Variants in ZNF99 observed in about 807,000 individuals in gnomAD.
The protein encoded by ZNF99 is zinc finger protein ENSP00000375192.
ZNF99 carries 8 observed loss-of-function variants against 12.8 expected under a neutral mutation model. That is an observed-to-expected ratio of 0.62 (90% CI 0.37 to 1.13). The LOEUF (loss-of-function observed/expected upper bound fraction) is 1.13. Among genes scored for constraint, ZNF99 ranks in the 50% most tolerant of loss-of-function variants. The pLI, the probability that ZNF99 is intolerant of heterozygous loss-of-function variation, is 0.02. For missense variants in ZNF99, 1,007 were observed against 1,006.2 expected (o/e 1.00, Z -0.01); for synonymous variants, 318 against 319.0 (o/e 1.00, Z 0.03).
At chr19:22,781,652 T>C (rs1973389362) in intron 1 of ZNF99, among the ~76,000 whole-genome samples, 2 of 152,032 alleles carry the variant, frequency 1.3e-5, no homozygotes, top group African/African-American at 4.8e-5. Flanking sequence ...AAGGGTTAGC[T>C]TTTCAAAGGA....
rs377234800 is a variant in ZNF99, at chr19:22,757,836, G to C, written c.2073C>G (p.Ala691=). The change falls in exon 4 of 4, where the codon GCC becomes GCG. Residue 691 remains alanine, a synonymous_variant. Coordinates refer to ENST00000596209, the MANE Select transcript of ZNF99 (RefSeq NM_001080409.3). ...TATGAATTATCTTATGTTTCCTAAGGGCTGAGAAATGGTTAAAAGCCTTGC... is the reference window on the plus strand; with the variant it reads ...TATGAATTATCTTATGTTTCCTAAGCGCTGAGAAATGGTTAAAAGCCTTGC... ...ECGKAFNHFS[A]LRKHKIIHTG... The C allele has an allele frequency of 6.9e-4, 1,119 of 1,610,942 alleles. 2 individuals carry two copies. The highest frequency in any genetic ancestry group is 9.1e-4 in the Non-Finnish European group (1,074 of 1,178,560).
intron 1 of ZNF99, among the ~76,000 whole-genome samples, chr19:22,780,791 G>C (rs1487649385): frequency 1.3e-5 from 2 of 150,758 alleles, no homozygotes; most frequent in Non-Finnish European, 3.0e-5. Flanking sequence ...CAAAGTAATA[G>C]GATACAGAAT....
Position 22,754,089 on chromosome 19 carries a change from G to T in ZNF99, c.*3225C>A, listed in dbSNP as rs1034835767. ...TTGCCACATTCGACCGGGCTCAATG[G>T]CTCATGCTTGTAATCCCAGCACTTT... is the stretch of plus-strand genomic sequence containing the variant. On this transcript the variant is annotated 3_prime_UTR_variant, in exon 4 of 4. Coordinates refer to ENST00000596209, the MANE Select transcript of ZNF99 (RefSeq NM_001080409.3). 12 of 454,872 alleles carry T rather than the reference G, an allele frequency of 2.6e-5. No individual in the cohort carries two copies. The highest frequency in any genetic ancestry group is 4.4e-5 in the Non-Finnish European group (10 of 226,684). 28.2% of individuals were successfully genotyped at this position (454,872 alleles called of 1,614,324 possible). A position where few individuals can be genotyped will look rare whatever the true frequency, so the allele number is the denominator to read the frequency against.
intron 1 of ZNF99, among the ~76,000 whole-genome samples, chr19:22,773,563 C>A (rs2145155393): frequency 6.6e-6 from 1 of 152,336 alleles, no homozygotes; most frequent in Non-Finnish European, 1.5e-5. Flanking sequence ...CTTTTCATAT[C>A]TTCATGAAAG....
chr19:22,780,113 G>A (rs1973371251), intron 1 of ZNF99, among the ~76,000 whole-genome samples: 1 of 152,148 alleles, frequency 6.6e-6, no homozygotes, highest in East Asian at 1.9e-4. Flanking sequence ...TATCTGCAGA[G>A]AAGACTCCCC....
Position 22,755,417 on chromosome 19 carries a change from A to G in ZNF99, c.*1897T>C, listed in dbSNP as rs188254828. 3.9e-4 allele frequency: 119 copies of G among 301,732 alleles called. No individual in the cohort carries two copies. The highest frequency in any genetic ancestry group is 3.7e-3 in the Middle Eastern group (7 of 1,880). The allele number at this position is 301,732 out of a possible 1,614,324, so 18.7% of individuals were successfully genotyped here. A position where few individuals can be genotyped will look rare whatever the true frequency, so the allele number is the denominator to read the frequency against. On this transcript the variant is annotated 3_prime_UTR_variant, in exon 4 of 4. Coordinates refer to ENST00000596209, the MANE Select transcript of ZNF99 (RefSeq NM_001080409.3). ...ATTATCTTATGTTCAGTAAGGTTTGAGGACCAGTTAAAAGTTTTGCCACAC... is the reference window on the plus strand; with the variant it reads ...ATTATCTTATGTTCAGTAAGGTTTGGGGACCAGTTAAAAGTTTTGCCACAC...
chr19:22,769,301 C>G lies in ZNF99; in HGVS notation c.27G>C (p.Val9=). 1.9e-6 allele frequency: 3 copies of G among 1,608,896 alleles called. No individual in the cohort carries two copies. In the South Asian group the frequency reaches 3.3e-5, roughly 18 times the overall value. The change falls in exon 2 of 4, where the codon GTG becomes GTC. Residue 9 remains valine, a synonymous_variant. Transcript: ENST00000596209. ...ACTCCTCCAGAGCGAATTCTATGGT[C>G]ACATCCCAAAATGTCAACGATCCCT... MGSLTFWD[V]TIEFALEEWQ...
chr19:22,782,062 T>G (rs114203273), intron 1 of ZNF99, among the ~76,000 whole-genome samples: 2,652 of 152,212 alleles, frequency 0.017, 66 homozygotes, highest in African/African-American at 0.061. Context: ...TTATGAAAAG[T>G]ACCATCCAAT....
At chr19:22,769,075 T>C in intron 2 of ZNF99, 123 bp downstream of exon 2, 1 of 1,109,682 alleles carries the variant, frequency 9.0e-7, no homozygotes, top group Non-Finnish European at 1.2e-6. Flanking sequence ...AATCCCTGTT[T>C]TCAGAAAACG....
rs1599445321 is a variant in ZNF99, at chr19:22,767,541, A to AT, written c.226+763dup. On this transcript the variant is annotated intron_variant, in intron 3 of 3. Transcript: ENST00000596209. ...AAGATTGATATTATATAATAGTAAA[A>AT]TGGGTCAATTTACCAGGAATCTATA... 3.9e-5 allele frequency among the ~76,000 whole-genome samples: 6 copies of AT among 152,302 alleles called. No individual in the cohort carries two copies. In the East Asian group the frequency reaches 7.7e-4, roughly 20 times the overall value.
chr19:22,773,458 T>C (rs1241443817), intron 1 of ZNF99, among the ~76,000 whole-genome samples: 1 of 152,174 alleles, frequency 6.6e-6, no homozygotes, highest in African/African-American at 2.4e-5. Context: ...AGAAAATTTA[T>C]AGCACCATGT....
At chr19:22,763,684 C>G (rs1296291207) in intron 3 of ZNF99, among the ~76,000 whole-genome samples, 1 of 151,852 alleles carries the variant, frequency 6.6e-6, no homozygotes, top group Non-Finnish European at 1.5e-5. Context: ...CAAGACTAAG[C>G]AAAAAGAACA....
chr19:22,781,403 C>CTTTTTTTTTTT (rs35970718), intron 1 of ZNF99, among the ~76,000 whole-genome samples: 44 of 87,934 alleles, frequency 5.0e-4, no homozygotes, highest in Non-Finnish European at 6.3e-4. Context: ...ATTGGGGTCA[C>CTTTTTTTTTTT]TTTTTTTTTT....
In ZNF99 at chr19:22,754,387, G is replaced by A; in HGVS notation, c.*2927C>T. The A allele has an allele frequency of 2.5e-6, 1 of 407,602 alleles. No individual in the cohort carries two copies. Among genetic ancestry groups the A allele is most frequent in the Non-Finnish European group, 4.8e-6 (1 of 209,360 alleles). 25.2% of individuals were successfully genotyped at this position (407,602 alleles called of 1,614,324 possible). On this transcript the variant is annotated 3_prime_UTR_variant, in exon 4 of 4. Coordinates refer to ENST00000596209, the MANE Select transcript of ZNF99 (RefSeq NM_001080409.3). ...ATTTCAAAAAAAAAAAAAAAACTTT[G>A]CCACATTCTTCACATTTGTAGAATT... is the stretch of plus-strand genomic sequence containing the variant.
intron 3 of ZNF99, among the ~76,000 whole-genome samples, chr19:22,762,457 A>T (rs1326862960): frequency 2.6e-5 from 4 of 152,168 alleles, no homozygotes; most frequent in Non-Finnish European, 5.9e-5. Context: ...GATACCCTGA[A>T]CAGACCAATA....
chr19:22,771,057 G>C (rs1973263219), intron 1 of ZNF99: 1 of 151,262 alleles, frequency 6.6e-6, no homozygotes, highest in African/African-American at 2.4e-5. Context: ...TCCTGCCTCA[G>C]CCTCCCGAGT....
At position 22,755,263 on chromosome 19, in the gene ZNF99, G is replaced by A; in HGVS notation, c.*2051C>T. On this transcript the variant is annotated 3_prime_UTR_variant, in exon 4 of 4. Coordinates refer to ENST00000596209, the MANE Select transcript of ZNF99 (RefSeq NM_001080409.3). ...TCTAATAAAGTTTAACTGATTAAAA[G>A]CATTGCCACATTCTTCACATTTCTA... 1 of 262,208 alleles carries A rather than the reference G, an allele frequency of 3.8e-6. No homozygotes were observed. The highest frequency in any genetic ancestry group is 4.4e-5 in the South Asian group (1 of 22,766). 16.2% of individuals were successfully genotyped at this position (262,208 alleles called of 1,614,324 possible).
chr19:22,759,247 A>G lies in ZNF99; in HGVS notation c.662T>C (p.Ile221Thr). The G allele has an allele frequency of 6.4e-7, 1 of 1,555,324 alleles. No homozygotes were observed. Among genetic ancestry groups the G allele is most frequent in the Non-Finnish European group, 8.7e-7 (1 of 1,150,700 alleles). The change falls in exon 4 of 4, where the codon ATA becomes ACA. Residue 221 changes from isoleucine (I) to threonine (T), a missense_variant. By Grantham distance (89) the Ile-to-Thr change is moderately conservative. Transcript: ENST00000596209. Reference sequence around the variant, plus strand: ...GTAGGGTTTGTCTTCAGTATGAATTATCTTATGTTTAATAAGGGTTGAGAA... The same window carrying G: ...GTAGGGTTTGTCTTCAGTATGAATTGTCTTATGTTTAATAAGGGTTGAGAA... ...KWFSTLIKHK[I>T]IHTEDKPYKY...
intron 3 of ZNF99, among the ~76,000 whole-genome samples, chr19:22,760,895 A>G (rs940113435): frequency 6.6e-6 from 1 of 151,194 alleles, no homozygotes; most frequent in African/African-American, 2.4e-5. Flanking sequence ...AAAAAAAAAA[A>G]AAAAAAAAAA....
Sources: gnomAD v4.1 joint callset for allele counts (sites outside exome capture counted in the v4.1 genomes callset) on GRCh38, gnomAD v4.1.1 for gene constraint, MANE v1.5 for transcripts, NCBI Gene and HGNC (gene_info 2026-07-23, HGNC 2026-07-21) for gene names.